FANK1: variants seen among roughly 807,000 people sequenced by gnomAD.
The protein encoded by FANK1 is fibronectin type 3 and ankyrin repeat domains protein 1.
A neutral mutation model predicts 45.3 loss-of-function variants in FANK1; 44 were observed. The observed-to-expected ratio is 0.97, with a 90% CI of 0.76 to 1.25. FANK1 has a LOEUF of 1.25. Ranked by LOEUF, FANK1 falls within the 50% of genes most tolerant of loss-of-function variation. The pLI is 0.00. For synonymous variants in FANK1, 149 were observed against 152.5 expected, an observed-to-expected ratio of 0.98 and a Z score of 0.17; for missense variants, 391 against 424.4, an observed-to-expected ratio of 0.92 and a Z score of 0.69.
intron 1 of FANK1, among the ~76,000 whole-genome samples, chr10:125,920,948 T>G (rs1171901188): frequency 2.0e-5 from 3 of 152,238 alleles, no homozygotes; most frequent in African/African-American, 7.2e-5. Context: ...CTTCTAATGA[T>G]TTCACTCATC....
chr10:125,971,633 T>C (rs2134191213), intron 1 of FANK1, among the ~76,000 whole-genome samples: 1 of 152,122 alleles, frequency 6.6e-6, no homozygotes, highest in South Asian at 2.1e-4. Flanking sequence ...CTGGTCTACA[T>C]TTTTCTGAGA....
At chr10:125,937,212 A>G (rs1016379098) in intron 1 of FANK1, among the ~76,000 whole-genome samples, 2 of 152,230 alleles carry the variant, frequency 1.3e-5, no homozygotes, top group African/African-American at 2.4e-5. Flanking sequence ...TTGGCTAGAT[A>G]TTGCCAAACA....
At chr10:125,948,966 A>ACGCAAAT (rs1436480425) in intron 1 of FANK1, among the ~76,000 whole-genome samples, 1 of 147,130 alleles carries the variant, frequency 6.8e-6, no homozygotes, top group Admixed American at 6.8e-5. Flanking sequence ...GGTTCAATAT[A>ACGCAAAT]CGCAAATCAA....
intron 1 of FANK1, among the ~76,000 whole-genome samples, chr10:125,937,226 G>A (rs1948163710): frequency 6.6e-6 from 1 of 152,210 alleles, no homozygotes; most frequent in Non-Finnish European, 1.5e-5. Flanking sequence ...CCAAACAGTT[G>A]TTCAAGGTCG....
At chr10:125,940,135 A>G (rs1948355500) in intron 1 of FANK1, among the ~76,000 whole-genome samples, 1 of 152,254 alleles carries the variant, frequency 6.6e-6, no homozygotes, top group African/African-American at 2.4e-5. Flanking sequence ...AGGTGGGACA[A>G]GAGACTGAGA....
chr10:125,972,944 T>C (rs887134591), intron 1 of FANK1: 20 of 148,960 alleles, frequency 1.3e-4, no homozygotes, highest in African/African-American at 4.9e-4. Context: ...GAACCAACTT[T>C]CCAAGCACCA....
intron 1 of FANK1, among the ~76,000 whole-genome samples, chr10:125,925,117 T>G (rs538329704): frequency 6.6e-6 from 1 of 152,020 alleles, no homozygotes; most frequent in Non-Finnish European, 1.5e-5. Context: ...CATTGAGTAT[T>G]TTTTTCATAG....
At position 125,980,352 on chromosome 10, in the gene FANK1, T is replaced by G; in HGVS notation, c.191+14T>G. On this transcript the variant is annotated intron_variant, in intron 2 of 10. Coordinates refer to ENST00000368693, the MANE Select transcript of FANK1 (RefSeq NM_145235.5). ...TATCATTTATACGTAGGTGCAGTGTTGAATTGCTTGCCACTTTGCCTTACT... is the reference window on the plus strand; with the variant it reads ...TATCATTTATACGTAGGTGCAGTGTGGAATTGCTTGCCACTTTGCCTTACT... 1 of 1,602,462 alleles carries G rather than the reference T, an allele frequency of 6.2e-7. No homozygotes were observed.
At chr10:125,903,845 G>C (rs1458771069) in intron 1 of FANK1, among the ~76,000 whole-genome samples, 1 of 151,120 alleles carries the variant, frequency 6.6e-6, no homozygotes, top group Non-Finnish European at 1.5e-5. Context: ...TTGTTTGTTT[G>C]TTTGTTTTGT....
chr10:126,001,826 C>T (rs1348354020), intron 6 of FANK1, among the ~76,000 whole-genome samples: 1 of 151,718 alleles, frequency 6.6e-6, no homozygotes, highest in Non-Finnish European at 1.5e-5. Context: ...TCCAGAGCCT[C>T]CGGGGCTGGA....
intron 1 of FANK1, among the ~76,000 whole-genome samples, chr10:125,976,279 A>G (rs1201991695): frequency 6.6e-6 from 1 of 152,134 alleles, no homozygotes; most frequent in African/African-American, 2.4e-5. Flanking sequence ...AAACCTGACA[A>G]TTATGTGTCT....
At chr10:125,924,257 T>G (rs994866381) in intron 1 of FANK1, among the ~76,000 whole-genome samples, 6 of 151,888 alleles carry the variant, frequency 4.0e-5, no homozygotes, top group African/African-American at 1.2e-4. Context: ...ATGCTTAGTT[T>G]TTTTTTTTTT....
intron 1 of FANK1, among the ~76,000 whole-genome samples, chr10:125,933,340 A>G (rs908991403): frequency 2.6e-5 from 4 of 152,084 alleles, no homozygotes; most frequent in African/African-American, 7.2e-5. Flanking sequence ...AGGGTATCTA[A>G]TTCTTCCTGA....
chr10:125,954,908 A>G (rs1018662953), intron 1 of FANK1, among the ~76,000 whole-genome samples: 1 of 152,094 alleles, frequency 6.6e-6, no homozygotes, highest in African/African-American at 2.4e-5. Flanking sequence ...GCAACAGAGT[A>G]AGACTGTCTC....
At chr10:125,998,789 G>A (rs1952534438) in intron 6 of FANK1, among the ~76,000 whole-genome samples, 1 of 152,156 alleles carries the variant, frequency 6.6e-6, no homozygotes, top group Non-Finnish European at 1.5e-5. Flanking sequence ...CCAAGAAGCA[G>A]AAAATTCGAA....
intron 2 of FANK1, chr10:125,980,729 T>C: frequency 5.4e-6 from 1 of 183,760 alleles, no homozygotes; most frequent in Non-Finnish European, 1.1e-5. Context: ...CATTGTCCCC[T>C]TGTCAACTCT....
intron 1 of FANK1, among the ~76,000 whole-genome samples, chr10:125,935,493 T>A (rs1275829358): frequency 6.6e-6 from 1 of 152,166 alleles, no homozygotes; most frequent in Non-Finnish European, 1.5e-5. Flanking sequence ...GAAACTAAAG[T>A]CTTGTTGGGA....
intron 1 of FANK1, among the ~76,000 whole-genome samples, chr10:125,966,735 G>C (rs1375106468): frequency 6.6e-6 from 1 of 152,134 alleles, no homozygotes; most frequent in East Asian, 1.9e-4. Flanking sequence ...CAGACTTGTT[G>C]CTATCATATA....
At chr10:125,914,199 C>G (rs576740293) in intron 1 of FANK1, among the ~76,000 whole-genome samples, 253 of 151,704 alleles carry the variant, frequency 1.7e-3, no homozygotes, top group Middle Eastern at 3.4e-3. Context: ...AAGTGATGGT[C>G]TTCATTCCTC....
Sources: gnomAD v4.1 joint callset for allele counts (sites outside exome capture counted in the v4.1 genomes callset) on GRCh38, gnomAD v4.1.1 for gene constraint, MANE v1.5 for transcripts, NCBI Gene and HGNC (gene_info 2026-07-23, HGNC 2026-07-21) for gene names.